Variants in STARD9 observed in about 807,000 individuals in gnomAD.
STARD9 encodes the protein stAR-related lipid transfer protein 9.
STARD9 carries 346 observed loss-of-function variants against 399.8 expected under a neutral mutation model. That is an observed-to-expected ratio of 0.87 (90% CI 0.79 to 0.95). STARD9 has a LOEUF of 0.95. Ranked by LOEUF, STARD9 falls within the 40% of genes least tolerant of loss-of-function variation. STARD9 has a pLI of 0.00. For missense variants in STARD9, 5,832 were observed against 5,667.5 expected (o/e 1.03, Z -0.93); for synonymous variants, 2,203 against 2,143.5 (o/e 1.03, Z -0.77).
intron 3 of STARD9, among the ~76,000 whole-genome samples, chr15:42,590,386 G>A (rs1042964465): frequency 3.3e-5 from 5 of 152,274 alleles, no homozygotes; most frequent in African/African-American, 1.2e-4. Context: ...TATTACAAAG[G>A]AAGGACTGCT....
chr15:42,676,404 C>T (rs886728969), intron 20 of STARD9, among the ~76,000 whole-genome samples: 5 of 152,130 alleles, frequency 3.3e-5, no homozygotes, highest in South Asian at 2.1e-4. Flanking sequence ...GCTTCCAGAA[C>T]GTATGGCTTT....
chr15:42,684,493 C>G lies in STARD9; in HGVS notation c.2915C>G (p.Thr972Ser). ...GAGCCAAAGATCTTCACCTCTACTA[C>G]CCAGACCAGAGGGGCGAAGGGACTA... ...RHEPKIFTST[T>S]QTRGAKGLAD... The change falls in exon 23 of 33, where the codon ACC becomes AGC. Residue 972 changes from threonine to serine, a missense_variant. Coordinates refer to ENST00000290607, the MANE Select transcript of STARD9 (RefSeq NM_020759.3). 6.5e-7 allele frequency: 1 copy of G among 1,537,200 alleles called. No individual in the cohort carries two copies. The highest frequency in any genetic ancestry group is 8.7e-7 in the Non-Finnish European group (1 of 1,146,884).
chr15:42,632,307 T>A (rs987502148), intron 3 of STARD9, among the ~76,000 whole-genome samples: 3 of 152,204 alleles, frequency 2.0e-5, no homozygotes, highest in African/African-American at 7.2e-5. Context: ...CTCCCTTTGT[T>A]TTCAGTGTAT....
In STARD9 at chr15:42,720,421, AGAG is replaced by A. The variant is rs912898270; in HGVS notation, c.*852_*854del. 4.6e-5 allele frequency: 7 copies of A among 152,264 alleles called. No individual in the cohort carries two copies. The highest frequency in any genetic ancestry group is 1.0e-4 in the Non-Finnish European group (7 of 68,098). 9.4% of individuals were successfully genotyped at this position (152,264 alleles called of 1,614,324 possible). A position where few individuals can be genotyped will look rare whatever the true frequency, so the allele number is the denominator to read the frequency against. The stretch of plus-strand genomic sequence containing the variant: ...TTAAACATTGTCCTTTGAGGAAGGG[AGAG>A]GAGGTGAATGAACTCCCAGAGGAGG... On this transcript the variant is annotated 3_prime_UTR_variant, in exon 33 of 33. Transcript: ENST00000290607.
At chr15:42,632,186 T>A (rs2059345282) in intron 3 of STARD9, among the ~76,000 whole-genome samples, 1 of 152,256 alleles carries the variant, frequency 6.6e-6, no homozygotes, top group Non-Finnish European at 1.5e-5. Context: ...CCTTTCTGAT[T>A]ATATAATGAC....
Position 42,719,767 on chromosome 15 carries a change from C to T in STARD9, c.*193C>T. 1.7e-6 allele frequency: 1 copy of T among 579,734 alleles called. No individual in the cohort carries two copies. The highest frequency in any genetic ancestry group is 3.1e-6 in the Non-Finnish European group (1 of 324,908). 35.9% of individuals were successfully genotyped at this position (579,734 alleles called of 1,614,324 possible). On this transcript the variant is annotated 3_prime_UTR_variant, in exon 33 of 33. Transcript: ENST00000290607. ...AGTCAGTACTTGGTCACAGCTGGCA[C>T]CAGTGCAGAGCAAACGGCCTGAGCT...
At chr15:42,597,829 G>T (rs1487032981) in intron 3 of STARD9, among the ~76,000 whole-genome samples, 2 of 151,502 alleles carry the variant, frequency 1.3e-5, no homozygotes, top group Non-Finnish European at 2.9e-5. Flanking sequence ...GAGCCACAGT[G>T]CCCGGCCAAT....
At chr15:42,684,083 C>T in intron 22 of STARD9, 33 bp from the exon 23 acceptor site, 1 of 1,500,974 alleles carries the variant, frequency 6.7e-7, no homozygotes, top group Non-Finnish European at 8.9e-7. Context: ...GTACCTCTCA[C>T]ATCTTCTGAG....
In STARD9 at chr15:42,665,826, T is replaced by G. The variant is rs2060090019; in HGVS notation, c.1295T>G (p.Leu432Arg). ...SSLSDENLKE[L>R]VLQNELKIDQ... ...TTGAGTGATGAAAACCTGAAGGAGC[T>G]GGTTCTCCAAAATGAATTGAAGGTG... Residue 432 changes from leucine to arginine, a missense_variant, in exon 15 of 33, where the codon CTG becomes CGG. Physicochemically the swap from Leu to Arg is moderately radical, Grantham distance 102. This residue lies in a region of STARD9 where 5,828 missense variants were observed against 5,651.1 expected (regional missense o/e 1.03). Transcript: ENST00000290607. The G allele has an allele frequency of 6.5e-7, 1 of 1,537,090 alleles. No homozygotes were observed. Among genetic ancestry groups the G allele is most frequent in the African/African-American group, 1.4e-5 (1 of 73,072 alleles).
intron 3 of STARD9, among the ~76,000 whole-genome samples, chr15:42,631,822 T>C (rs2059338096): frequency 6.6e-6 from 1 of 152,124 alleles, no homozygotes; most frequent in African/African-American, 2.4e-5. Context: ...AGGAAGATTT[T>C]TTTTTTAAAT....
intron 4 of STARD9, 100 bp downstream of exon 4, chr15:42,635,072 A>C: frequency 1.7e-6 from 1 of 582,502 alleles, no homozygotes; most frequent in African/African-American, 1.9e-5. Context: ...GTAGGCAGTC[A>C]ACTTTAAAGA....
chr15:42,630,441 A>T (rs1161582957), intron 3 of STARD9, among the ~76,000 whole-genome samples: 1 of 152,098 alleles, frequency 6.6e-6, no homozygotes, highest in Non-Finnish European at 1.5e-5. Flanking sequence ...TATCAGGGTA[A>T]TACTGGCCTT....
intron 21 of STARD9, 78 bp from the exon 22 acceptor site, chr15:42,682,026 C>A: frequency 2.1e-6 from 2 of 966,616 alleles, no homozygotes; most frequent in Non-Finnish European, 3.1e-6. Context: ...CCAGCCATGG[C>A]TGGAGGTATC....
intron 21 of STARD9, 100 bp from the exon 22 acceptor site, chr15:42,682,004 C>G: frequency 1.2e-6 from 1 of 808,774 alleles, no homozygotes; most frequent in Non-Finnish European, 1.9e-6. Flanking sequence ...AGCTCTTTCA[C>G]TCCACACAGG....
chr15:42,612,014 G>C (rs1446858138), intron 3 of STARD9, among the ~76,000 whole-genome samples: 1 of 152,106 alleles, frequency 6.6e-6, no homozygotes, highest in African/African-American at 2.4e-5. Flanking sequence ...TGTCGTCCAG[G>C]CTGGAGTGCA....
intron 9 of STARD9, among the ~76,000 whole-genome samples, chr15:42,659,200 A>G (rs1288983013): frequency 1.3e-5 from 2 of 152,214 alleles, no homozygotes; most frequent in Non-Finnish European, 2.9e-5. Context: ...TGATGGAGGA[A>G]TTATATCCAG....
In STARD9 at chr15:42,692,655, G is replaced by T; in HGVS notation, c.11077G>T (p.Glu3693Ter). The T allele has an allele frequency of 6.5e-7, 1 of 1,537,160 alleles. No homozygotes were observed. Among genetic ancestry groups the T allele is most frequent in the South Asian group, 1.2e-5 (1 of 84,056 alleles). The change falls in exon 23 of 33, where the codon GAG (glutamate) becomes TAG (stop). Residue 3693 changes from glutamate (E) to a stop codon, truncating the protein, a stop_gained. Coordinates refer to ENST00000290607, the MANE Select transcript of STARD9 (RefSeq NM_020759.3). LOFTEE classifies it high-confidence loss of function. ...CTCACAGCTCCTGCACAGTACCTCA[G>T]AGCTGCTTGGGAGTCTCTCCCAGCC... ...HLSQLLHSTSELLGSLSQPDV... is the reference protein window; with the variant it reads ...HLSQLLHSTS
In STARD9 at chr15:42,692,984, A is replaced by G; in HGVS notation, c.11406A>G (p.Glu3802=). 6.5e-7 allele frequency: 1 copy of G among 1,537,228 alleles called. No individual in the cohort carries two copies. The highest frequency in any genetic ancestry group is 8.7e-7 in the Non-Finnish European group (1 of 1,146,904). Residue 3802 remains glutamate (E), a synonymous_variant, in exon 23 of 33, where the codon GAA becomes GAG. Transcript: ENST00000290607. ...QKMAQLLYLQ[E]ESTPYKPQSP... The stretch of plus-strand genomic sequence containing the variant: ...TGGCTCAGCTCCTCTATCTTCAGGA[A>G]GAAAGCACTCCCTACAAGCCCCAGA...
intron 3 of STARD9, among the ~76,000 whole-genome samples, chr15:42,589,043 G>A (rs1017103046): frequency 2.0e-5 from 3 of 151,960 alleles, no homozygotes; most frequent in Admixed American, 6.6e-5. Flanking sequence ...TCGAACTCCT[G>A]ACCTCAAGTA....
Sources: allele counts gnomAD v4.1 joint callset (sites outside exome capture counted in the v4.1 genomes callset), GRCh38; gene constraint gnomAD v4.1.1; regional missense constraint gnomAD v4.1.1; transcripts MANE v1.5; gene names NCBI Gene and HGNC (gene_info 2026-07-23, HGNC 2026-07-21).